Variants in FNBP4 observed in about 807,000 individuals in gnomAD.
The protein encoded by FNBP4 is formin-binding protein 4.
Under a neutral mutation model 119.3 loss-of-function variants are expected in FNBP4, and 34 were observed. That is an observed-to-expected ratio of 0.28 (90% confidence interval 0.22 to 0.38). The LOEUF (loss-of-function observed/expected upper bound fraction) is 0.38, where lower values mean the gene tolerates loss of function less well. Among genes scored for constraint, FNBP4 ranks in the 10% least tolerant of loss-of-function variants. FNBP4 has a pLI of 1.00. For missense variants in FNBP4, 1,112 were observed against 1,228.9 expected (o/e 0.90, Z 1.42); for synonymous variants, 462 against 430.6 (o/e 1.07, Z -0.90).
intron 12 of FNBP4, chr11:47,729,623 C>T: frequency 1.1e-6 from 1 of 947,894 alleles, no homozygotes; most frequent in Non-Finnish European, 1.3e-6. Flanking sequence ...AATCTTCCCA[C>T]CTCAACCTCC....
At position 47,743,945 on chromosome 11, in the gene FNBP4, C is replaced by A. The variant is rs764513461; in HGVS notation, c.1456+8G>T. ...CAACTCTGAAGTTTAATGTGAAGCA[C>A]AAATTACCAGTTTCTCCATTTTCTG... On this transcript the variant is annotated splice_region_variant and intron_variant, in intron 8 of 16. Coordinates refer to ENST00000263773, the MANE Select transcript of FNBP4 (RefSeq NM_015308.5). 1 of 1,613,026 alleles carries A rather than the reference C, an allele frequency of 6.2e-7. No homozygotes were observed. Among genetic ancestry groups the A allele is most frequent in the African/African-American group, 1.3e-5 (1 of 75,018 alleles).
intron 16 of FNBP4, among the ~76,000 whole-genome samples, chr11:47,718,472 A>G (rs1057045897): frequency 2.0e-5 from 3 of 152,238 alleles, no homozygotes; most frequent in Non-Finnish European, 4.4e-5. Flanking sequence ...TCGGCTTCCC[A>G]AAGTGCTGGG....
intron 12 of FNBP4, among the ~76,000 whole-genome samples, chr11:47,728,973 C>T (rs2097564354): frequency 6.6e-6 from 1 of 151,606 alleles, no homozygotes; most frequent in African/African-American, 2.4e-5. Flanking sequence ...GTGCCTCAGC[C>T]TCCGAGTAGC....
chr11:47,765,384 GAA>G lies in FNBP4; in HGVS notation c.221-24_221-23del, dbSNP rs768625297. The G allele has an allele frequency of 1.9e-4, 227 of 1,185,592 alleles. No individual in the cohort carries two copies. The African/African-American group carries it at 3.7e-3, about 19-fold the overall frequency. The allele number at this position is 1,185,592 out of a possible 1,614,324, so 73.4% of individuals were successfully genotyped here. On this transcript the variant is annotated intron_variant, in intron 1 of 16. Transcript: ENST00000263773. ...TCATCTGGATTAAAAAAAAAGAAAA[GAA>G]AAGAAAAGAAAAGAAAAGAAAAGAA... is the stretch of plus-strand genomic sequence containing the variant.
chr11:47,742,505 A>AG (rs398016015), intron 8 of FNBP4, among the ~76,000 whole-genome samples: 3 of 145,380 alleles, frequency 2.1e-5, no homozygotes, highest in East Asian at 4.0e-4. Flanking sequence ...AAAAAAAAAA[A>AG]GGACCACGGG....
intron 10 of FNBP4, among the ~76,000 whole-genome samples, chr11:47,733,460 C>T: frequency 6.6e-6 from 1 of 151,930 alleles, no homozygotes; most frequent in Non-Finnish European, 1.5e-5. Flanking sequence ...CTCAGCTTCC[C>T]GAGTAGCTGG....
intron 8 of FNBP4, among the ~76,000 whole-genome samples, chr11:47,740,284 G>A (rs1013663905): frequency 1.3e-5 from 2 of 151,730 alleles, no homozygotes; most frequent in African/African-American, 2.4e-5. Context: ...GCAAGGTGGC[G>A]TGCGCCTGTA....
intron 12 of FNBP4, among the ~76,000 whole-genome samples, chr11:47,727,539 C>A (rs1248076934): frequency 6.6e-6 from 1 of 152,132 alleles, no homozygotes; most frequent in South Asian, 2.1e-4. Flanking sequence ...ATGTGAGCAC[C>A]TGGCCTCTGC....
At chr11:47,745,800 C>T (rs775723301) in intron 7 of FNBP4, among the ~76,000 whole-genome samples, 6 of 151,876 alleles carry the variant, frequency 4.0e-5, no homozygotes, top group East Asian at 1.9e-4. Flanking sequence ...CTCAGCTGGC[C>T]GACACTTATG....
At chr11:47,731,698 A>G in intron 11 of FNBP4, 137 bp from the exon 12 acceptor site, 2 of 1,415,476 alleles carry the variant, frequency 1.4e-6, no homozygotes, top group Non-Finnish European at 1.8e-6. Context: ...CAAAGGCAAC[A>G]AAGAGCTTTG....
chr11:47,741,442 T>A (rs1440942954), intron 8 of FNBP4, among the ~76,000 whole-genome samples: 1 of 151,764 alleles, frequency 6.6e-6, no homozygotes, highest in Non-Finnish European at 1.5e-5. Flanking sequence ...GTAAATATTA[T>A]TGTTTCTATG....
intron 15 of FNBP4, among the ~76,000 whole-genome samples, chr11:47,720,598 A>AAATG (rs1269540740): frequency 6.7e-6 from 1 of 148,334 alleles, no homozygotes; most frequent in African/African-American, 2.4e-5. Flanking sequence ...ATAAATAAAT[A>AAATG]AAATCTATAA....
At position 47,732,130 on chromosome 11, in the gene FNBP4, A is replaced by C; in HGVS notation, c.1820+407T>G. ...TTTTCATCTGACCTGCTGGCAGAGGATAGTAATCTTGTTCTTCATTCACAT... is the reference window on the plus strand; with the variant it reads ...TTTTCATCTGACCTGCTGGCAGAGGCTAGTAATCTTGTTCTTCATTCACAT... On this transcript the variant is annotated intron_variant, in intron 11 of 16. Transcript: ENST00000263773. The surrounding 1 kb of genome is among the most constrained non-coding windows in gnomAD (Gnocchi z 4.2). 1 of 1,004,116 alleles carries C rather than the reference A, an allele frequency of 1.0e-6. No homozygotes were observed. Among genetic ancestry groups the C allele is most frequent in the Non-Finnish European group, 1.2e-6 (1 of 842,360 alleles). The allele number at this position is 1,004,116 out of a possible 1,614,324, so 62.2% of individuals were successfully genotyped here.
intron 2 of FNBP4, among the ~76,000 whole-genome samples, chr11:47,760,390 T>C (rs547030309): frequency 2.7e-4 from 40 of 150,670 alleles, no homozygotes; most frequent in African/African-American, 9.5e-4. Context: ...GCCTACCAAG[T>C]AGTTGGGATT....
At chr11:47,741,461 A>C (rs934123270) in intron 8 of FNBP4, among the ~76,000 whole-genome samples, 1 of 151,738 alleles carries the variant, frequency 6.6e-6, no homozygotes, top group Non-Finnish European at 1.5e-5. Flanking sequence ...TGATTAAGCC[A>C]CATTGATGCA....
intron 2 of FNBP4, among the ~76,000 whole-genome samples, chr11:47,756,001 T>A (rs925691508): frequency 6.6e-6 from 1 of 152,126 alleles, no homozygotes; most frequent in African/African-American, 2.4e-5. Context: ...ACTAAAGAAA[T>A]AAAGACTTTC....
In FNBP4 at chr11:47,758,941, T is replaced by TA. The variant is rs1306696107; in HGVS notation, c.314-4278dup. 4.0e-5 allele frequency among the ~76,000 whole-genome samples: 6 copies of TA among 149,144 alleles called. No homozygotes were observed. In the East Asian group the frequency reaches 1.2e-3, roughly 30 times the overall value. ...TCTAATTTTTTTTTTTTTTTTGAGA[T>TA]AGAGTCTCACACTGTCACCCAGGCT... On this transcript the variant is annotated intron_variant, in intron 2 of 16. Coordinates refer to ENST00000263773, the MANE Select transcript of FNBP4 (RefSeq NM_015308.5).
intron 6 of FNBP4, among the ~76,000 whole-genome samples, chr11:47,750,181 C>A (rs886346402): frequency 1.3e-5 from 2 of 151,582 alleles, no homozygotes; most frequent in Non-Finnish European, 2.9e-5. Context: ...GAGTTTGAGA[C>A]CAGCCTGACC....
At chr11:47,719,499 G>A (rs1210833681) in intron 16 of FNBP4, among the ~76,000 whole-genome samples, 1 of 151,836 alleles carries the variant, frequency 6.6e-6, no homozygotes, top group Non-Finnish European at 1.5e-5. Flanking sequence ...TAAATCATTT[G>A]TACAATAATG....
Sources: gnomAD v4.1 joint callset for allele counts (sites outside exome capture counted in the v4.1 genomes callset) on GRCh38, gnomAD v4.1.1 for gene constraint, Gnocchi (gnomAD v3.1) non-coding constraint, MANE v1.5 for transcripts, NCBI Gene and HGNC (gene_info 2026-07-23, HGNC 2026-07-21) for gene names.